NCOA2: variants seen among roughly 807,000 people sequenced by gnomAD.
The protein encoded by NCOA2 is nuclear receptor coactivator 2.
NCOA2 carries 21 observed loss-of-function variants against 145.1 expected under a neutral mutation model. The observed-to-expected ratio is 0.14, with a 90% CI of 0.10 to 0.21. The LOEUF is 0.21. NCOA2 is among the 10% of genes least tolerant of loss of function. The probability of loss-of-function intolerance (pLI) is 1.00; values close to 1 mark genes in which losing one functional copy is unlikely to be tolerated. For missense variants in NCOA2, 1,472 were observed against 1,837.6 expected (o/e 0.80, Z 3.64); for synonymous variants, 619 against 637.5 (o/e 0.97, Z 0.44).
chr8:70,361,614 TCTC>T (rs1042834613), intron 1 of NCOA2, among the ~76,000 whole-genome samples: 2 of 152,232 alleles, frequency 1.3e-5, no homozygotes, highest in Admixed American at 1.3e-4. Context: ...ACATATATTA[TCTC>T]CTACCATTAT....
the NCOA2 span, among the ~76,000 whole-genome samples, chr8:70,439,185 A>G: frequency 6.6e-6 from 1 of 152,182 alleles, no homozygotes. Flanking sequence ...GTCTCTTGCT[A>G]TGCCCAGTTA....
At chr8:70,290,855 C>T (rs1826626462) in intron 2 of NCOA2, among the ~76,000 whole-genome samples, 1 of 151,928 alleles carries the variant, frequency 6.6e-6, no homozygotes, top group African/African-American at 2.4e-5. Flanking sequence ...AACAGCCTGA[C>T]TTTACTTGCT....
At chr8:70,436,493 C>T in the NCOA2 span, among the ~76,000 whole-genome samples, 1 of 152,172 alleles carries the variant, frequency 6.6e-6, no homozygotes, top group Non-Finnish European at 1.5e-5. Flanking sequence ...CAAATGGTTT[C>T]GTGTTCCCAT....
At chr8:70,333,634 CT>C (rs1807297117) in intron 1 of NCOA2, among the ~76,000 whole-genome samples, 1 of 152,158 alleles carries the variant, frequency 6.6e-6, no homozygotes, top group Non-Finnish European at 1.5e-5. Context: ...AACCACTGGC[CT>C]AGGCACACCA....
intron 1 of NCOA2, 143 bp downstream of exon 1, chr8:70,403,557 C>T (rs1031491950): frequency 1.7e-5 from 5 of 302,138 alleles, no homozygotes; most frequent in Non-Finnish European, 3.0e-5. Context: ...TCCCCGCACA[C>T]AAAAACAGCC....
At chr8:70,195,462 AT>A (rs2133368661) in intron 4 of NCOA2, among the ~76,000 whole-genome samples, 1 of 152,288 alleles carries the variant, frequency 6.6e-6, no homozygotes, top group East Asian at 1.9e-4. Flanking sequence ...AGAACACTCT[AT>A]AGCTCCTGGC....
the NCOA2 span, among the ~76,000 whole-genome samples, chr8:70,426,899 C>G: frequency 3.9e-5 from 6 of 152,138 alleles, no homozygotes; most frequent in African/African-American, 1.4e-4. Flanking sequence ...CTCAAAGGAT[C>G]CTCCTGCCTC....
chr8:70,416,193 T>TTTC, the NCOA2 span, among the ~76,000 whole-genome samples: 2 of 139,900 alleles, frequency 1.4e-5, no homozygotes, highest in African/African-American at 5.8e-5. Flanking sequence ...CTCAGTTTTT[T>TTTC]TGTTTTTTTT....
the NCOA2 span, among the ~76,000 whole-genome samples, chr8:70,417,777 T>C: frequency 6.6e-6 from 1 of 152,206 alleles, no homozygotes; most frequent in African/African-American, 2.4e-5. Context: ...TATAGAGGAC[T>C]AAGAGACATC....
rs1188448315 is a variant in NCOA2, at chr8:70,110,951, A to G, written c.*2681T>C. 1 of 222,112 alleles carries G rather than the reference A, an allele frequency of 4.5e-6. No homozygotes were observed. The highest frequency in any genetic ancestry group is 9.0e-6 in the Non-Finnish European group (1 of 111,142). 13.8% of individuals were successfully genotyped at this position (222,112 alleles called of 1,614,324 possible). ...TTGTTCTATTAAACAAAAACCAAGT[A>G]CTCAGTCTAACAAATTTATTGTGTA... is the stretch of plus-strand genomic sequence containing the variant. On this transcript the variant is annotated 3_prime_UTR_variant, in exon 23 of 23. Coordinates refer to ENST00000452400, the MANE Select transcript of NCOA2 (RefSeq NM_006540.4).
chr8:70,445,138 A>G, the NCOA2 span, among the ~76,000 whole-genome samples: 1 of 152,132 alleles, frequency 6.6e-6, no homozygotes, highest in African/African-American at 2.4e-5. Flanking sequence ...CTGCCATGTT[A>G]TCCTCTATAA....
intron 1 of NCOA2, among the ~76,000 whole-genome samples, chr8:70,323,686 T>C (rs1462493141): frequency 6.6e-6 from 1 of 152,196 alleles, no homozygotes; most frequent in Non-Finnish European, 1.5e-5. Context: ...GATTATATGA[T>C]TATAACATTG....
intron 2 of NCOA2, among the ~76,000 whole-genome samples, chr8:70,288,567 C>T (rs376326310): frequency 6.7e-6 from 1 of 148,414 alleles, no homozygotes; most frequent in Admixed American, 6.8e-5. Flanking sequence ...GGCAACAGAG[C>T]GAAACCCTGT....
chr8:70,430,223 A>G, the NCOA2 span, among the ~76,000 whole-genome samples: 1 of 152,190 alleles, frequency 6.6e-6, no homozygotes, highest in African/African-American at 2.4e-5. Flanking sequence ...TATATGGAAA[A>G]TTAGTCTTGC....
chr8:70,192,865 G>A (rs980734416), intron 4 of NCOA2, among the ~76,000 whole-genome samples: 5 of 151,906 alleles, frequency 3.3e-5, no homozygotes, highest in East Asian at 1.9e-4. Context: ...TCAGGAGTTC[G>A]AGACCAGCCT....
chr8:70,123,752 T>G, intron 21 of NCOA2, 132 bp downstream of exon 21: 1 of 657,426 alleles, frequency 1.5e-6, no homozygotes, highest in South Asian at 3.2e-5. Context: ...AGGTGAAGGG[T>G]GAAAAACACT....
chr8:70,307,220 C>CATAAAAAAA (rs1827962250), intron 1 of NCOA2, among the ~76,000 whole-genome samples: 1 of 71,642 alleles, frequency 1.4e-5, no homozygotes. Flanking sequence ...CCTACATAAG[C>CATAAAAAAA]AAAAAAAAAA....
chr8:70,144,822 G>C lies in NCOA2; in HGVS notation c.2632C>G (p.Leu878Val). ...TTCTGGTTTGGCAATAACCTGCCCA[G>C]TTGCCCTGGTCGTGGGTTATTAAAA... ...STFNNPRPGQ[L>V]GRLLPNQNLP... The change falls in exon 13 of 23, where the codon CTG becomes GTG. Residue 878 changes from leucine to valine, a missense_variant. Around this residue, in one of 4 missense-constraint regions of NCOA2, gnomAD observed 953 missense variants for 1,062.1 expected, o/e 0.90. Coordinates refer to ENST00000452400, the MANE Select transcript of NCOA2 (RefSeq NM_006540.4). 6.2e-7 allele frequency: 1 copy of C among 1,613,962 alleles called. No individual in the cohort carries two copies. The highest frequency in any genetic ancestry group is 8.5e-7 in the Non-Finnish European group (1 of 1,179,866).
intron 9 of NCOA2, 148 bp downstream of exon 9, chr8:70,162,563 T>C: frequency 2.8e-6 from 2 of 721,292 alleles, no homozygotes; most frequent in Non-Finnish European, 2.1e-6. Flanking sequence ...TCCTGTTAAA[T>C]TTTCCTTTAG....
Sources: gnomAD v4.1 joint callset for allele counts (sites outside exome capture counted in the v4.1 genomes callset) on GRCh38, gnomAD v4.1.1 for gene constraint, gnomAD v4.1.1 regional missense constraint, MANE v1.5 for transcripts, NCBI Gene and HGNC (gene_info 2026-07-23, HGNC 2026-07-21) for gene names.